The following THSD7B variants were observed in gnomAD, a reference collection of about 807,000 sequenced individuals.
THSD7B encodes thrombospondin type-1 domain-containing protein 7B.
THSD7B carries 138 observed loss-of-function variants against 213.6 expected under a neutral mutation model. The ratio of observed to expected loss-of-function variants is 0.65; its 90% CI spans 0.56 to 0.74. The LOEUF (loss-of-function observed/expected upper bound fraction) is 0.74. Among genes scored for constraint, THSD7B ranks in the 30% least tolerant of loss-of-function variants. The probability of loss-of-function intolerance (pLI) is 0.00; values close to 1 mark genes in which losing one functional copy is unlikely to be tolerated. For synonymous variants in THSD7B, 742 were observed against 687.0 expected, an observed-to-expected ratio of 1.08 and a Z score of -1.25; for missense variants, 1,931 against 1,991.5, an observed-to-expected ratio of 0.97 and a Z score of 0.58.
intron 2 of THSD7B, among the ~76,000 whole-genome samples, chr2:137,031,023 C>G (rs1425730029): frequency 6.6e-6 from 1 of 152,094 alleles, no homozygotes; most frequent in African/African-American, 2.4e-5. Flanking sequence ...ATACACCCAC[C>G]ACCTTCATAA....
intron 7 of THSD7B, among the ~76,000 whole-genome samples, chr2:137,203,246 A>G (rs1228784263): frequency 6.6e-6 from 1 of 152,102 alleles, no homozygotes; most frequent in Non-Finnish European, 1.5e-5. Flanking sequence ...GGTCTAGGGT[A>G]TGAATAAAAT....
intron 2 of THSD7B, among the ~76,000 whole-genome samples, chr2:137,010,782 T>C (rs933733250): frequency 2.6e-5 from 4 of 152,194 alleles, no homozygotes; most frequent in African/African-American, 9.7e-5. Flanking sequence ...TGAGACAAAG[T>C]TCCTGCCCTC....
chr2:137,474,354 T>C (rs1298164369), intron 15 of THSD7B, among the ~76,000 whole-genome samples: 3 of 152,184 alleles, frequency 2.0e-5, no homozygotes, highest in African/African-American at 7.2e-5. Flanking sequence ...GGTTTCAGCT[T>C]TTACTTGTCA....
intron 12 of THSD7B, among the ~76,000 whole-genome samples, chr2:137,315,887 G>A (rs1485892752): frequency 6.6e-6 from 1 of 152,088 alleles, no homozygotes; most frequent in Non-Finnish European, 1.5e-5. Flanking sequence ...TAATTCCACT[G>A]CTTTAATATT....
rs150765358 is a variant in THSD7B, at chr2:137,297,571, A to G, written c.2500+21545A>G. Among the ~76,000 whole-genome samples, 350 of 152,154 alleles carry G rather than the reference A, an allele frequency of 2.3e-3. 2 individuals are homozygous for G. Among genetic ancestry groups the G allele is most frequent in the African/African-American group, 8.2e-3 (339 of 41,546 alleles). On this transcript the variant is annotated intron_variant, in intron 12 of 27. Transcript: ENST00000409968. ...ACAAAGTTCCATCATGACTCACCGA[A>G]TGTCCTTGAAGTTAGTGTTTGATAT... is the stretch of plus-strand genomic sequence containing the variant.
At chr2:137,399,251 G>A (rs559223592) in intron 12 of THSD7B, among the ~76,000 whole-genome samples, 1 of 149,928 alleles carries the variant, frequency 6.7e-6, no homozygotes, top group East Asian at 2.0e-4. Context: ...GTAGTGCAGT[G>A]GTGTGACCTT....
At chr2:137,210,179 C>T (rs1238228604) in intron 7 of THSD7B, among the ~76,000 whole-genome samples, 3 of 151,964 alleles carry the variant, frequency 2.0e-5, no homozygotes, top group African/African-American at 7.2e-5. Context: ...TATGGTAGTC[C>T]AAGAAAATTA....
chr2:136,899,726 C>G (rs1314708679), intron 2 of THSD7B, among the ~76,000 whole-genome samples: 1 of 152,134 alleles, frequency 6.6e-6, no homozygotes, highest in East Asian at 1.9e-4. Context: ...TTCAGAGAAT[C>G]AAATAGATTC....
At chr2:136,822,044 C>T (rs1682572218) in intron 1 of THSD7B, among the ~76,000 whole-genome samples, 1 of 152,132 alleles carries the variant, frequency 6.6e-6, no homozygotes, top group African/African-American at 2.4e-5. Flanking sequence ...TTTCAAGCCC[C>T]TCTGAAGAGG....
intron 2 of THSD7B, among the ~76,000 whole-genome samples, chr2:136,948,974 A>G (rs192792959): frequency 6.6e-5 from 10 of 152,302 alleles, no homozygotes; most frequent in African/African-American, 2.4e-4. Context: ...TTTTTAAAAA[A>G]AATTGTTGGT....
intron 13 of THSD7B, among the ~76,000 whole-genome samples, chr2:137,410,721 A>G (rs1686635009): frequency 6.6e-6 from 1 of 152,250 alleles, no homozygotes; most frequent in Non-Finnish European, 1.5e-5. Flanking sequence ...CAGAAAAGCC[A>G]TAAACACAAA....
chr2:137,405,630 G>A lies in THSD7B; in HGVS notation c.2518G>A (p.Asp840Asn). 6.2e-7 allele frequency: 1 copy of A among 1,607,308 alleles called. No homozygotes were observed. Among genetic ancestry groups the A allele is most frequent in the Non-Finnish European group, 8.5e-7 (1 of 1,177,278 alleles). The change falls in exon 13 of 28, where the codon GAT becomes AAT. Residue 840 changes from aspartate (D) to asparagine (N), a missense_variant. Transcript: ENST00000409968. ...TTTTTCAGCTGTCTCATGCATCTCT[G>A]ATGACAACCGGTCAGCAGAAATGAT... is the stretch of plus-strand genomic sequence containing the variant. ...LQTRAVSCIS[D>N]DNRSAEMMEC...
At chr2:137,066,917 T>C (rs1687393975) in intron 3 of THSD7B, among the ~76,000 whole-genome samples, 1 of 152,148 alleles carries the variant, frequency 6.6e-6, no homozygotes, top group Admixed American at 6.6e-5. Context: ...GTTTTAGAAG[T>C]TGCTATTGAC....
chr2:137,175,767 A>C (rs1680346642), intron 7 of THSD7B, among the ~76,000 whole-genome samples: 1 of 152,150 alleles, frequency 6.6e-6, no homozygotes, highest in South Asian at 2.1e-4. Flanking sequence ...AGTTGGATCA[A>C]ATATTCTTTA....
At chr2:136,801,181 T>C (rs1439720852) in intron 1 of THSD7B, among the ~76,000 whole-genome samples, 1 of 152,128 alleles carries the variant, frequency 6.6e-6, no homozygotes, top group African/African-American at 2.4e-5. Context: ...TAATTGGCTG[T>C]GAACACTGGG....
At chr2:137,390,881 C>G (rs1345636446) in intron 12 of THSD7B, among the ~76,000 whole-genome samples, 1 of 151,978 alleles carries the variant, frequency 6.6e-6, no homozygotes, top group African/African-American at 2.4e-5. Context: ...GCAAGAAACC[C>G]ACTTGATCAT....
chr2:137,007,310 T>C (rs1262854950), intron 2 of THSD7B, among the ~76,000 whole-genome samples: 6 of 152,168 alleles, frequency 3.9e-5, no homozygotes, highest in Non-Finnish European at 7.4e-5. Flanking sequence ...CCTGAGAATA[T>C]TTAGATGCCT....
At chr2:137,399,992 A>T (rs1268628240) in intron 12 of THSD7B, among the ~76,000 whole-genome samples, 2 of 152,230 alleles carry the variant, frequency 1.3e-5, no homozygotes, top group East Asian at 3.9e-4. Context: ...TAACATTTTT[A>T]ATGTATTTTG....
intron 12 of THSD7B, among the ~76,000 whole-genome samples, chr2:137,310,201 T>A (rs1683860625): frequency 6.6e-6 from 1 of 152,196 alleles, no homozygotes; most frequent in Admixed American, 6.5e-5. Context: ...CCATTCTAAC[T>A]GGTGTGAAAT....
Sources: gnomAD v4.1 joint callset for allele counts (sites outside exome capture counted in the v4.1 genomes callset) on GRCh38, gnomAD v4.1.1 for gene constraint, MANE v1.5 for transcripts, NCBI Gene and HGNC (gene_info 2026-07-23, HGNC 2026-07-21) for gene names.